FSTL3: variants seen among roughly 807,000 people sequenced by gnomAD.
The protein encoded by FSTL3 is follistatin like 3.
In FSTL3, 21 loss-of-function variants were observed where a neutral mutation model predicts 28.1. The observed-to-expected ratio is 0.75, with a 90% CI of 0.53 to 1.08. The LOEUF (loss-of-function observed/expected upper bound fraction) is 1.08. Ranked by LOEUF, FSTL3 falls within the 50% of genes least tolerant of loss-of-function variation. The pLI is 0.00. For missense variants in FSTL3, 400 were observed against 380.9 expected (o/e 1.05, Z -0.42); for synonymous variants, 199 against 164.2 (o/e 1.21, Z -1.62).
intron 1 of FSTL3, among the ~76,000 whole-genome samples, chr19:676,776 C>T (rs1032356562): frequency 1.3e-5 from 2 of 152,178 alleles, no homozygotes; most frequent in Non-Finnish European, 2.9e-5. Context: ...GAACCTGTGC[C>T]ATCCCGATAG....
Position 681,805 on chromosome 19 carries a change from C to A in FSTL3, c.*97C>A. The A allele has an allele frequency of 9.3e-7, 1 of 1,080,340 alleles. No homozygotes were observed. The highest frequency in any genetic ancestry group is 1.4e-6 in the Non-Finnish European group (1 of 726,536). 66.9% of individuals were successfully genotyped at this position (1,080,340 alleles called of 1,614,324 possible). The stretch of plus-strand genomic sequence containing the variant: ...GTCTAATTTATATGCCACGGACACT[C>A]CTTAGAGCCCGGATTCGGACCACTT... On this transcript the variant is annotated 3_prime_UTR_variant, in exon 5 of 5. Coordinates refer to ENST00000166139, the MANE Select transcript of FSTL3 (RefSeq NM_005860.3).
At chr19:680,229 G>A (rs1354739182) in intron 2 of FSTL3, 45 bp from the exon 3 acceptor site, 45 of 1,266,374 alleles carry the variant, frequency 3.6e-5, no homozygotes, top group Non-Finnish European at 4.4e-5. Context: ...CCCACGCCCG[G>A]GACCCTCCCG....
At chr19:680,242 C>A in intron 2 of FSTL3, 32 bp from the exon 3 acceptor site, 1 of 1,313,590 alleles carries the variant, frequency 7.6e-7, no homozygotes, top group Non-Finnish European at 9.8e-7. Context: ...CCCTCCCGCG[C>A]CCGGCCCCAC....
intron 1 of FSTL3, 77 bp downstream of exon 1, chr19:676,603 C>T (rs1049559016): frequency 4.8e-5 from 14 of 293,302 alleles, no homozygotes; most frequent in South Asian, 1.3e-4. Context: ...GGGGGGACGT[C>T]GGGGGGCGCG....
chr19:681,621 G>A lies in FSTL3; in HGVS notation c.734-29G>A, dbSNP rs534075695. The A allele has an allele frequency of 1.3e-5, 21 of 1,590,476 alleles. No homozygotes were observed. The East Asian group carries it at 3.9e-4, about 29-fold the overall frequency. ...GGGGCCGGAGAACCCCCTGCCCTGCGCCCTCAATGCTCTTATCGACCCTTG... is the reference window on the plus strand; with the variant it reads ...GGGGCCGGAGAACCCCCTGCCCTGCACCCTCAATGCTCTTATCGACCCTTG... On this transcript the variant is annotated intron_variant, in intron 4 of 4. Transcript: ENST00000166139.
chr19:680,892 G>T, intron 3 of FSTL3: 1 of 243,990 alleles, frequency 4.1e-6, no homozygotes, highest in Non-Finnish European at 8.0e-6. Flanking sequence ...ATGTGGCATG[G>T]TCAGAGCGGG....
rs1259802125 is a variant in FSTL3, at chr19:681,515, T to C, written c.688T>C (p.Phe230Leu). The C allele has an allele frequency of 6.2e-7, 1 of 1,606,636 alleles. No individual in the cohort carries two copies. Among genetic ancestry groups the C allele is most frequent in the South Asian group, 1.1e-5 (1 of 91,042 alleles). Residue 230 changes from phenylalanine (F) to leucine (L), a missense_variant, in exon 4 of 5, where the codon TTC (phenylalanine) becomes CTC (leucine). Coordinates refer to ENST00000166139, the MANE Select transcript of FSTL3 (RefSeq NM_005860.3). ...SSCHMRQATC[F>L]LGRSIGVRHA... ...GTGCCACATGCGCCAGGCCACCTGC[T>C]TCCTGGGCCGCTCCATCGGCGTGCG...
chr19:676,792 G>A (rs2031220376), intron 1 of FSTL3, among the ~76,000 whole-genome samples: 1 of 152,182 alleles, frequency 6.6e-6, no homozygotes, highest in African/African-American at 2.4e-5. Flanking sequence ...GATAGTGCCG[G>A]AGCTCTCTTC....
rs185604599 is a variant in FSTL3, at chr19:683,142, G to A, written c.*1434G>A. On this transcript the variant is annotated 3_prime_UTR_variant, in exon 5 of 5. Coordinates refer to ENST00000166139, the MANE Select transcript of FSTL3 (RefSeq NM_005860.3). The stretch of plus-strand genomic sequence containing the variant: ...CTCAGAATCGCCTACCTGTGCCTGC[G>A]TGTAAACCACAGCCTCAGACCAGCT... 22 of 232,904 alleles carry A rather than the reference G, an allele frequency of 9.4e-5. 1 individual carries two copies. The highest frequency in any genetic ancestry group is 4.0e-4 in the African/African-American group (18 of 45,302). 14.4% of individuals were successfully genotyped at this position (232,904 alleles called of 1,614,324 possible).
chr19:680,805 A>G, intron 3 of FSTL3: 1 of 278,944 alleles, frequency 3.6e-6, no homozygotes, highest in Non-Finnish European at 6.7e-6. Context: ...CCGAGGGAGT[A>G]TCACGGGGTA....
chr19:676,979 G>A (rs533506036), intron 1 of FSTL3, among the ~76,000 whole-genome samples: 16 of 152,234 alleles, frequency 1.1e-4, no homozygotes, highest in Admixed American at 2.0e-4. Context: ...TGGGTAGACG[G>A]GGCATGGAGT....
intron 3 of FSTL3, chr19:680,853 C>A (rs1375047708): frequency 4.3e-6 from 1 of 232,706 alleles, no homozygotes; most frequent in Middle Eastern, 1.4e-3. Flanking sequence ...AAATAGTGGG[C>A]CTCTGGGGGC....
chr19:683,127 C>T lies in FSTL3; in HGVS notation c.*1419C>T, dbSNP rs1038322912. The T allele has an allele frequency of 3.0e-5, 7 of 233,080 alleles. No homozygotes were observed. Among genetic ancestry groups the T allele is most frequent in the Non-Finnish European group, 5.9e-5 (7 of 117,740 alleles). The allele number at this position is 233,080 out of a possible 1,614,324, so 14.4% of individuals were successfully genotyped here. A position where few individuals can be genotyped will look rare whatever the true frequency, so the allele number is the denominator to read the frequency against. ...CCATCTGCGTTGATGCTCAGAATCG[C>T]CTACCTGTGCCTGCGTGTAAACCAC... is the stretch of plus-strand genomic sequence containing the variant. On this transcript the variant is annotated 3_prime_UTR_variant, in exon 5 of 5. Transcript: ENST00000166139.
chr19:681,337 C>T lies in FSTL3; in HGVS notation c.510C>T (p.Ser170=), dbSNP rs1184726635. The T allele has an allele frequency of 6.4e-7, 1 of 1,566,396 alleles. No homozygotes were observed. The stretch of plus-strand genomic sequence containing the variant: ...CCCCTGGCACCCGGCCTGCAGAGTC[C>T]TGTGAGCACGTGGTGTGCCCGCGGC... ...SVMYRGRCRK[S]CEHVVCPRPQ... Residue 170 remains serine (S), a synonymous_variant, in exon 4 of 5, where the codon TCC becomes TCT. Transcript: ENST00000166139.
Position 677,982 on chromosome 19 carries a change from G to A in FSTL3, c.289+5G>A. The A allele has an allele frequency of 6.2e-7, 1 of 1,612,080 alleles. No homozygotes were observed. Among genetic ancestry groups the A allele is most frequent in the Non-Finnish European group, 8.5e-7 (1 of 1,179,394 alleles). On this transcript the variant is annotated splice_donor_5th_base_variant and intron_variant, in intron 2 of 4. Transcript: ENST00000166139. ...TCCACTGCCTTCCCTGCAAAGGTGA[G>A]ACCTCAGGCCAGAAGCAGGGCAGAC...
chr19:676,837 G>A (rs902127345), intron 1 of FSTL3, among the ~76,000 whole-genome samples: 1 of 152,190 alleles, frequency 6.6e-6, no homozygotes, highest in Non-Finnish European at 1.5e-5. Context: ...CTGAGGCTCA[G>A]GGTCACACAG....
chr19:679,105 C>T (rs73506016), intron 2 of FSTL3, among the ~76,000 whole-genome samples: 1,821 of 152,196 alleles, frequency 0.012, 39 homozygotes, highest in African/African-American at 0.042. Context: ...CTCCAGACCC[C>T]CCTCTGGCTT....
In FSTL3 at chr19:683,036, G is replaced by A. The variant is rs528884635; in HGVS notation, c.*1328G>A. The A allele has an allele frequency of 4.7e-5, 11 of 232,890 alleles. No homozygotes were observed. Among genetic ancestry groups the A allele is most frequent in the Non-Finnish European group, 6.8e-5 (8 of 117,832 alleles). The allele number at this position is 232,890 out of a possible 1,614,324, so 14.4% of individuals were successfully genotyped here. ...ACCTGCCTCACCCACCAATGCAGCC[G>A]GGGCTGGCGACACCAGCCAGGTGCT... is the stretch of plus-strand genomic sequence containing the variant. On this transcript the variant is annotated 3_prime_UTR_variant, in exon 5 of 5. Transcript: ENST00000166139.
Position 677,738 on chromosome 19 carries a change from A to G in FSTL3, c.104-54A>G, listed in dbSNP as rs1600658012. 1.4e-5 allele frequency: 21 copies of G among 1,519,566 alleles called. No homozygotes were observed. The East Asian group carries it at 4.7e-4, about 34-fold the overall frequency. 94.1% of individuals were successfully genotyped at this position (1,519,566 alleles called of 1,614,324 possible). A position where few individuals can be genotyped will look rare whatever the true frequency, so the allele number is the denominator to read the frequency against. ...ACCTGCATGCATCTGTGGGCGGGCC[A>G]GAAGCTGGGTGTCAGGAGTGGCCCA... On this transcript the variant is annotated intron_variant, in intron 1 of 4. Coordinates refer to ENST00000166139, the MANE Select transcript of FSTL3 (RefSeq NM_005860.3).
Sources: allele counts gnomAD v4.1 joint callset (sites outside exome capture counted in the v4.1 genomes callset), GRCh38; gene constraint gnomAD v4.1.1; transcripts MANE v1.5; gene names NCBI Gene and HGNC (gene_info 2026-07-23, HGNC 2026-07-21).